Variants in RUNX1 observed in about 807,000 individuals in gnomAD.
The protein encoded by RUNX1 is RUNX family transcription factor 1.
Under a neutral mutation model 42.8 loss-of-function variants are expected in RUNX1, and 19 were observed. That is an observed-to-expected ratio of 0.44 (90% confidence interval 0.31 to 0.65). RUNX1 has a LOEUF of 0.65. RUNX1 is among the 30% of genes least tolerant of loss of function. The pLI is 0.07. For missense variants in RUNX1, 528 were observed against 672.0 expected, an observed-to-expected ratio of 0.79 and a Z score of 2.37; for synonymous variants, 271 against 289.4, an observed-to-expected ratio of 0.94 and a Z score of 0.64.
At chr21:34,831,513 GGTAGGGT>G (rs2057063788) in intron 7 of RUNX1, among the ~76,000 whole-genome samples, 1 of 152,172 alleles carries the variant, frequency 6.6e-6, no homozygotes, top group Admixed American at 6.5e-5. Flanking sequence ...GTCCTAGCAA[GGTAGGGT>G]TCCTGAGCCT....
chr21:34,903,472 C>A (rs757282707), intron 2 of RUNX1, among the ~76,000 whole-genome samples: 3 of 152,060 alleles, frequency 2.0e-5, no homozygotes, highest in Non-Finnish European at 4.4e-5. Flanking sequence ...AAATTTCCCA[C>A]AAACATAGCA....
intron 2 of RUNX1, among the ~76,000 whole-genome samples, chr21:35,040,770 C>CAAAAAAAAAAAAAAAAAAA (rs1568808489): frequency 2.0e-5 from 1 of 50,988 alleles, no homozygotes; most frequent in African/African-American, 4.9e-5. Context: ...TAGACTCCAT[C>CAAAAAAAAAAAAAAAAAAA]CAAAAAAAAA....
chr21:34,907,427 T>G lies in RUNX1; in HGVS notation c.59-14464A>C, dbSNP rs2058231443. 6.6e-6 allele frequency among the ~76,000 whole-genome samples: 1 copy of G among 152,128 alleles called. No homozygotes were observed. The highest frequency in any genetic ancestry group is 1.5e-5 in the Non-Finnish European group (1 of 68,036). ...GGAAAATAGAGTGCTTCATCAGTAG[T>G]AAGGGTGAATACTGCTTCCTGAAGC... On this transcript the variant is annotated intron_variant, in intron 2 of 8. Coordinates refer to ENST00000675419, the MANE Select transcript of RUNX1 (RefSeq NM_001754.5). The surrounding 1 kb of genome is among the most constrained non-coding windows in gnomAD (Gnocchi z 5.3).
chr21:34,867,323 C>T (rs1007926923), intron 5 of RUNX1, among the ~76,000 whole-genome samples: 1 of 151,744 alleles, frequency 6.6e-6, no homozygotes, highest in Admixed American at 6.6e-5. Context: ...ATTTGCAGTC[C>T]CAGCTACTTG....
chr21:35,027,108 G>A (rs1304694519), intron 2 of RUNX1, among the ~76,000 whole-genome samples: 1 of 152,178 alleles, frequency 6.6e-6, no homozygotes, highest in Non-Finnish European at 1.5e-5. Flanking sequence ...TGCAGCCGCT[G>A]GGAGAGCATC....
intron 2 of RUNX1, among the ~76,000 whole-genome samples, chr21:34,933,515 T>A (rs2058463388): frequency 6.6e-6 from 1 of 152,224 alleles, no homozygotes; most frequent in Admixed American, 6.5e-5. Context: ...GTTTTTTTTA[T>A]GACTTCTGGC....
At chr21:35,017,633 AG>A (rs2059168818) in intron 2 of RUNX1, among the ~76,000 whole-genome samples, 1 of 152,170 alleles carries the variant, frequency 6.6e-6, no homozygotes, top group Non-Finnish European at 1.5e-5. Flanking sequence ...TCAAATGAGC[AG>A]GGAACGTGGG....
intron 2 of RUNX1, among the ~76,000 whole-genome samples, chr21:35,006,639 C>T (rs1019707246): frequency 1.3e-5 from 2 of 152,124 alleles, no homozygotes; most frequent in Non-Finnish European, 1.5e-5. Flanking sequence ...GGCACAGCAC[C>T]GCGCACATAA....
intron 6 of RUNX1, among the ~76,000 whole-genome samples, chr21:34,839,210 C>T (rs1000215997): frequency 6.6e-6 from 1 of 152,060 alleles, no homozygotes; most frequent in African/African-American, 2.4e-5. Context: ...AGGAAGAGGG[C>T]AGGTCTGAAA....
intron 3 of RUNX1, among the ~76,000 whole-genome samples, chr21:34,889,313 G>C (rs1243636207): frequency 6.6e-6 from 1 of 152,130 alleles, no homozygotes; most frequent in African/African-American, 2.4e-5. Context: ...CTGATTCCTT[G>C]CATGAGGCCG....
At chr21:34,973,427 T>A (rs1160367214) in intron 2 of RUNX1, among the ~76,000 whole-genome samples, 1 of 152,206 alleles carries the variant, frequency 6.6e-6, no homozygotes, top group Non-Finnish European at 1.5e-5. Flanking sequence ...ACTAATCCAG[T>A]GTCATCATGT....
chr21:35,013,072 T>A (rs1005193176), intron 2 of RUNX1, among the ~76,000 whole-genome samples: 1 of 152,240 alleles, frequency 6.6e-6, no homozygotes, highest in Non-Finnish European at 1.5e-5. Flanking sequence ...GTTCTTGCGA[T>A]GACTGAACAA....
At chr21:35,000,039 C>T (rs1020778095) in intron 2 of RUNX1, among the ~76,000 whole-genome samples, 13 of 152,080 alleles carry the variant, frequency 8.5e-5, no homozygotes, top group African/African-American at 3.1e-4. Flanking sequence ...TATTTGATTG[C>T]AATCCAAACA....
At chr21:34,915,278 G>T (rs1239371900) in intron 2 of RUNX1, among the ~76,000 whole-genome samples, 1 of 152,176 alleles carries the variant, frequency 6.6e-6, no homozygotes, top group African/African-American at 2.4e-5. Context: ...CTTACAGGAG[G>T]AAAATTGAAG....
At chr21:34,822,273 G>A (rs915750187) in intron 7 of RUNX1, among the ~76,000 whole-genome samples, 1 of 152,218 alleles carries the variant, frequency 6.6e-6, no homozygotes, top group African/African-American at 2.4e-5. Flanking sequence ...TCCGGGCAAT[G>A]CTTCCCCCTA....
chr21:34,842,509 A>AAAG (rs2057253334), intron 6 of RUNX1, among the ~76,000 whole-genome samples: 1 of 151,586 alleles, frequency 6.6e-6, no homozygotes, highest in Non-Finnish European at 1.5e-5. Context: ...AAAAAAAAAA[A>AAAG]AAAAAATTAA....
intron 2 of RUNX1, among the ~76,000 whole-genome samples, chr21:34,934,265 TTTTA>T (rs1024360143): frequency 2.6e-5 from 4 of 152,158 alleles, no homozygotes; most frequent in African/African-American, 9.7e-5. Flanking sequence ...TCAAGTTTTT[TTTTA>T]ATTTTTTTTT....
chr21:34,815,112 T>G (rs7276549), intron 7 of RUNX1, among the ~76,000 whole-genome samples: 6,453 of 152,188 alleles, frequency 0.042, 413 homozygotes, highest in African/African-American at 0.15. Flanking sequence ...ACAGCACCTC[T>G]GAATTACCTT....
At chr21:34,966,073 T>C (rs935183682) in intron 2 of RUNX1, among the ~76,000 whole-genome samples, 1 of 152,182 alleles carries the variant, frequency 6.6e-6, no homozygotes, top group Non-Finnish European at 1.5e-5. Context: ...TTCAGTTACA[T>C]AGTGCTCTTG....
Sources: allele counts gnomAD v4.1 joint callset (sites outside exome capture counted in the v4.1 genomes callset), GRCh38; gene constraint gnomAD v4.1.1; non-coding constraint Gnocchi (gnomAD v3.1); transcripts MANE v1.5; gene names NCBI Gene and HGNC (gene_info 2026-07-23, HGNC 2026-07-21).